Variants in CCND2 observed in about 807,000 individuals in gnomAD.
The protein encoded by CCND2 is cyclin D2.
Under a neutral mutation model 30.2 loss-of-function variants are expected in CCND2, and 6 were observed. That is an observed-to-expected ratio of 0.20 (90% CI 0.11 to 0.39). CCND2 has a LOEUF of 0.39. Among genes scored for constraint, CCND2 ranks in the 10% least tolerant of loss-of-function variants. The probability of loss-of-function intolerance (pLI) is 1.00; values close to 1 mark genes in which losing one functional copy is unlikely to be tolerated. For synonymous variants in CCND2, 150 were observed against 153.1 expected (o/e 0.98, Z 0.15); for missense variants, 235 against 373.4 (o/e 0.63, Z 3.06).
rs1864290205 is a variant in CCND2 at position 4,304,464 on chromosome 12, A to G, written c.*4455A>G. 4.3e-6 allele frequency: 1 copy of G among 233,572 alleles called. No individual in the cohort carries two copies. Among genetic ancestry groups the G allele is most frequent in the South Asian group, 1.8e-4 (1 of 5,534 alleles). 14.5% of individuals were successfully genotyped at this position (233,572 alleles called of 1,614,324 possible). A position where few individuals can be genotyped will look rare whatever the true frequency, so the allele number is the denominator to read the frequency against. On this transcript the variant is annotated 3_prime_UTR_variant, in exon 5 of 5. Coordinates refer to ENST00000261254, the MANE Select transcript of CCND2 (RefSeq NM_001759.4). This position sits in a 1 kb window ranked among gnomAD's most constrained non-coding sequence, Gnocchi z 6.2. The stretch of plus-strand genomic sequence containing the variant: ...ATTTACAAGAGCTGTTCATGCAGCC[A>G]TCCATTTGTGCAAAATAGGGTAAGA...
chr12:4,291,603 G>A (rs995073694), intron 4 of CCND2, among the ~76,000 whole-genome samples: 5 of 152,216 alleles, frequency 3.3e-5, no homozygotes, highest in African/African-American at 4.8e-5. Context: ...GGTGTGCTAC[G>A]TAACGTGTTA....
intron 2 of CCND2, among the ~76,000 whole-genome samples, chr12:4,277,918 TC>T (rs968058049): frequency 6.6e-6 from 1 of 152,250 alleles, no homozygotes; most frequent in Non-Finnish European, 1.5e-5. Flanking sequence ...GAGCACAGTT[TC>T]CCGTAAGTAT....
rs538747281 is a variant in CCND2 at position 4,293,720 on chromosome 12, A to T, written c.720+4730A>T. Among the ~76,000 whole-genome samples, 1 of 152,296 alleles carries T rather than the reference A, an allele frequency of 6.6e-6. No homozygotes were observed. The highest frequency in any genetic ancestry group is 6.5e-5 in the Admixed American group (1 of 15,306). The stretch of plus-strand genomic sequence containing the variant: ...TCTCAGTTTCGACCACATGTGTGTG[A>T]TTCATGGGGTTTAGCATTGTGTGTT... On this transcript the variant is annotated intron_variant, in intron 4 of 4. Transcript: ENST00000261254. This position sits in a 1 kb window ranked among gnomAD's most constrained non-coding sequence, Gnocchi z 4.9.
intron 3 of CCND2, among the ~76,000 whole-genome samples, chr12:4,288,431 A>G (rs973973383): frequency 5.3e-5 from 8 of 151,798 alleles, no homozygotes; most frequent in African/African-American, 1.9e-4. Context: ...CCTTGTCTGC[A>G]CTGGTCTCAG....
At chr12:4,288,435 G>A (rs1228861408) in intron 3 of CCND2, among the ~76,000 whole-genome samples, 4 of 151,930 alleles carry the variant, frequency 2.6e-5, no homozygotes, top group Non-Finnish European at 1.5e-5. Flanking sequence ...GTCTGCACTG[G>A]TCTCAGGCAT....
intron 3 of CCND2, 31 bp downstream of exon 3, chr12:4,278,950 T>C (rs2120532397): frequency 6.3e-7 from 1 of 1,589,166 alleles, no homozygotes; most frequent in Non-Finnish European, 8.6e-7. Context: ...GGGAGGGAGA[T>C]GGGGGAGCTC....
At position 4,302,339 on chromosome 12, in the gene CCND2, C is replaced by T. The variant is rs1263748615; in HGVS notation, c.*2330C>T. ...AGATGTCGTAATTTGCACTTAGGTA[C>T]CAGGTGTCAGGAAACAGACTAAAAA... On this transcript the variant is annotated 3_prime_UTR_variant, in exon 5 of 5. Transcript: ENST00000261254. The T allele has an allele frequency of 2.1e-5, 5 of 233,056 alleles. No individual in the cohort carries two copies. The East Asian group carries it at 2.4e-4, about 11-fold the overall frequency. 14.4% of individuals were successfully genotyped at this position (233,056 alleles called of 1,614,324 possible). A position where few individuals can be genotyped will look rare whatever the true frequency, so the allele number is the denominator to read the frequency against.
intron 2 of CCND2, among the ~76,000 whole-genome samples, chr12:4,278,042 C>A (rs550595476): frequency 6.6e-6 from 1 of 152,350 alleles, no homozygotes; most frequent in South Asian, 2.1e-4. Context: ...TGACACTGAG[C>A]AGGCACCCTC....
intron 2 of CCND2, among the ~76,000 whole-genome samples, chr12:4,277,590 T>C (rs746904168): frequency 6.6e-6 from 1 of 152,236 alleles, no homozygotes; most frequent in African/African-American, 2.4e-5. Flanking sequence ...AGCAATATAT[T>C]GCTACAAACA....
In CCND2 at chr12:4,300,188, T is replaced by C. The variant is rs1409959648; in HGVS notation, c.*179T>C. 5.0e-6 allele frequency: 3 copies of C among 605,752 alleles called. No individual in the cohort carries two copies. The highest frequency in any genetic ancestry group is 8.4e-6 in the Non-Finnish European group (3 of 357,762). The allele number at this position is 605,752 out of a possible 1,614,324, so 37.5% of individuals were successfully genotyped here. A position where few individuals can be genotyped will look rare whatever the true frequency, so the allele number is the denominator to read the frequency against. On this transcript the variant is annotated 3_prime_UTR_variant, in exon 5 of 5. Coordinates refer to ENST00000261254, the MANE Select transcript of CCND2 (RefSeq NM_001759.4). ...AAAAGGTCCTACGAAAACGGAATAA[T>C]AAAAAGCATTTGGTGCCTATTTGAA...
Position 4,300,230 on chromosome 12 carries a change from T to C in CCND2, c.*221T>C. On this transcript the variant is annotated 3_prime_UTR_variant, in exon 5 of 5. Transcript: ENST00000261254. ...CTATTTGAAGTACAGCATAAGGGAA[T>C]CCCTTGTATATGCGAACAGTTATTG... 2.1e-6 allele frequency: 1 copy of C among 479,002 alleles called. No individual in the cohort carries two copies. Among genetic ancestry groups the C allele is most frequent in the South Asian group, 4.2e-5 (1 of 24,020 alleles). 29.7% of individuals were successfully genotyped at this position (479,002 alleles called of 1,614,324 possible). A position where few individuals can be genotyped will look rare whatever the true frequency, so the allele number is the denominator to read the frequency against.
At chr12:4,277,189 A>G (rs1341500534) in intron 2 of CCND2, among the ~76,000 whole-genome samples, 1 of 152,012 alleles carries the variant, frequency 6.6e-6, no homozygotes. Context: ...GAATGACTTC[A>G]CCTTTGAACC....
In CCND2 at chr12:4,274,530, C is replaced by G. The variant is rs569878147; in HGVS notation, c.195+295C>G. On this transcript the variant is annotated intron_variant, in intron 1 of 4. Coordinates refer to ENST00000261254, the MANE Select transcript of CCND2 (RefSeq NM_001759.4). The surrounding 1 kb of genome is among the most constrained non-coding windows in gnomAD (Gnocchi z 7.7). ...TGTGGCTGCCTCTTCTTCCCACCCC[C>G]CTCGCGACCTGTCTTTTGCGAAGCC... 2.0e-5 allele frequency among the ~76,000 whole-genome samples: 3 copies of G among 152,208 alleles called. No homozygotes were observed. Among genetic ancestry groups the G allele is most frequent in the South Asian group, 4.1e-4 (2 of 4,834 alleles).
At chr12:4,292,748 C>G in intron 4 of CCND2, among the ~76,000 whole-genome samples, 1 of 152,144 alleles carries the variant, frequency 6.6e-6, no homozygotes, top group South Asian at 2.1e-4. Flanking sequence ...GCCAGAGAGG[C>G]AGTTTGGCTG....
intron 4 of CCND2, among the ~76,000 whole-genome samples, chr12:4,296,325 G>A (rs1032476116): frequency 6.6e-6 from 1 of 152,254 alleles, no homozygotes; most frequent in Non-Finnish European, 1.5e-5. Flanking sequence ...GAGCAAGGCA[G>A]GATCGGCCGG....
rs1021234578 is a variant in CCND2, at chr12:4,287,131, G to T, written c.572-1711G>T. Among the ~76,000 whole-genome samples, 1 of 152,222 alleles carries T rather than the reference G, an allele frequency of 6.6e-6. No individual in the cohort carries two copies. Among genetic ancestry groups the T allele is most frequent in the South Asian group, 2.1e-4 (1 of 4,832 alleles). Reference sequence around the variant, plus strand: ...GGGCGGGTGGACAGCAGGCGTGGGCGCAGCACCATTATATACGTCCCTCAA... The same window carrying T: ...GGGCGGGTGGACAGCAGGCGTGGGCTCAGCACCATTATATACGTCCCTCAA... On this transcript the variant is annotated intron_variant, in intron 3 of 4. Coordinates refer to ENST00000261254, the MANE Select transcript of CCND2 (RefSeq NM_001759.4). The surrounding 1 kb of genome is among the most constrained non-coding windows in gnomAD (Gnocchi z 4.0).
chr12:4,278,310 A>G (rs1487547683), intron 2 of CCND2, among the ~76,000 whole-genome samples: 1 of 152,250 alleles, frequency 6.6e-6, no homozygotes, highest in Non-Finnish European at 1.5e-5. Context: ...ATCTGTGTGC[A>G]TCATTTTTCC....
intron 4 of CCND2, among the ~76,000 whole-genome samples, chr12:4,298,465 A>G (rs1371815244): frequency 1.3e-5 from 2 of 152,132 alleles, no homozygotes; most frequent in Admixed American, 1.3e-4. Flanking sequence ...CCAGGCTGGT[A>G]TCGAACTCCT....
intron 4 of CCND2, among the ~76,000 whole-genome samples, chr12:4,290,732 C>G (rs775113598): frequency 6.6e-6 from 1 of 152,192 alleles, no homozygotes; most frequent in Non-Finnish European, 1.5e-5. Context: ...TGGAAATTTC[C>G]CTCCTGGGAG....
Sources: allele counts gnomAD v4.1 joint callset (sites outside exome capture counted in the v4.1 genomes callset), GRCh38; gene constraint gnomAD v4.1.1; non-coding constraint Gnocchi (gnomAD v3.1); transcripts MANE v1.5; gene names NCBI Gene and HGNC (gene_info 2026-07-23, HGNC 2026-07-21).